The following TLK1 variants were observed in gnomAD, a reference collection of about 807,000 sequenced individuals.
TLK1 encodes tousled like kinase 1, also known as serine/threonine-protein kinase tousled-like 1.
Under a neutral mutation model 105.3 loss-of-function variants are expected in TLK1, and 24 were observed. That is an observed-to-expected ratio of 0.23 (90% CI 0.17 to 0.32). The LOEUF (loss-of-function observed/expected upper bound fraction) is 0.32, where lower values mean the gene tolerates loss of function less well. Among genes scored for constraint, TLK1 ranks in the 10% least tolerant of loss-of-function variants. The probability of loss-of-function intolerance (pLI) is 1.00; values close to 1 mark genes in which losing one functional copy is unlikely to be tolerated. For synonymous variants in TLK1, 321 were observed against 310.4 expected (o/e 1.03, Z -0.36); for missense variants, 558 against 910.5 (o/e 0.61, Z 4.98).
intron 1 of TLK1, among the ~76,000 whole-genome samples, chr2:171,222,107 T>G (rs1025848649): frequency 1.3e-5 from 2 of 152,234 alleles, no homozygotes; most frequent in Non-Finnish European, 2.9e-5. Context: ...TGCTGATGCA[T>G]GATCCTTCAA....
chr2:171,025,892 A>T (rs1685748195), intron 12 of TLK1, among the ~76,000 whole-genome samples: 1 of 152,194 alleles, frequency 6.6e-6, no homozygotes, highest in Admixed American at 6.5e-5. Context: ...TTACTTGCTT[A>T]ATTTTGTTCC....
At chr2:171,000,376 C>CAAA (rs34800888) in intron 18 of TLK1, among the ~76,000 whole-genome samples, 22 of 78,340 alleles carry the variant, frequency 2.8e-4, no homozygotes, top group Middle Eastern at 6.0e-3. Context: ...GAAACTCTGT[C>CAAA]AAAAAAAAAA....
intron 1 of TLK1, among the ~76,000 whole-genome samples, chr2:171,178,665 A>C (rs1276190562): frequency 6.6e-6 from 1 of 152,244 alleles, no homozygotes; most frequent in African/African-American, 2.4e-5. Context: ...TCAGCTTTAT[A>C]AGGAAAACTA....
chr2:171,188,305 C>T (rs548383412), intron 1 of TLK1, among the ~76,000 whole-genome samples: 1 of 152,316 alleles, frequency 6.6e-6, no homozygotes, highest in Non-Finnish European at 1.5e-5. Flanking sequence ...CACAGTGGCT[C>T]ATGTCTGTAA....
At chr2:171,037,150 A>C (rs1686389618) in intron 11 of TLK1, among the ~76,000 whole-genome samples, 1 of 152,084 alleles carries the variant, frequency 6.6e-6, no homozygotes, top group African/African-American at 2.4e-5. Flanking sequence ...GGGTATTAAG[A>C]AGCATGATGG....
At chr2:171,097,836 A>T (rs1689513597) in intron 2 of TLK1, among the ~76,000 whole-genome samples, 1 of 152,024 alleles carries the variant, frequency 6.6e-6, no homozygotes, top group Admixed American at 6.6e-5. Flanking sequence ...CAGGCAGGAG[A>T]ATCGCTTAAA....
chr2:171,068,550 A>G (rs1431863439), intron 3 of TLK1, among the ~76,000 whole-genome samples: 3 of 152,164 alleles, frequency 2.0e-5, no homozygotes, highest in Non-Finnish European at 4.4e-5. Flanking sequence ...AATCATTTAT[A>G]AAGCTTTTAT....
At chr2:171,060,189 G>A (rs2105444937) in intron 4 of TLK1, among the ~76,000 whole-genome samples, 1 of 152,278 alleles carries the variant, frequency 6.6e-6, no homozygotes, top group South Asian at 2.1e-4. Flanking sequence ...AAAAAAACAT[G>A]GTTCAACCAA....
chr2:171,050,162 G>C lies in TLK1; in HGVS notation c.745C>G (p.Leu249Val). 1.3e-6 allele frequency: 2 copies of C among 1,595,990 alleles called. No individual in the cohort carries two copies. The highest frequency in any genetic ancestry group is 1.7e-6 in the Non-Finnish European group (2 of 1,168,974). The change falls in exon 9 of 21, where the codon CTC becomes GTC. Residue 249 changes from leucine to valine, a missense_variant. Coordinates refer to ENST00000431350, the MANE Select transcript of TLK1 (RefSeq NM_012290.5). Reference protein sequence around the residue: ...IDDLLRANCDLRRQIDEQQKL... With the variant: ...IDDLLRANCDVRRQIDEQQKL... ...TGTTGTTCATCTATTTGCCGTCTGA[G>C]ATCACAGTTAGCCTATGACATAAGT... is the stretch of plus-strand genomic sequence containing the variant.
chr2:171,015,915 C>G (rs891869655), intron 12 of TLK1, among the ~76,000 whole-genome samples: 4 of 151,912 alleles, frequency 2.6e-5, no homozygotes, highest in Non-Finnish European at 5.9e-5. Flanking sequence ...CCCGTCTCTA[C>G]TAAAAATACA....
At chr2:171,129,544 G>T (rs2105553227) in intron 1 of TLK1, among the ~76,000 whole-genome samples, 2 of 152,230 alleles carry the variant, frequency 1.3e-5, no homozygotes, top group East Asian at 3.9e-4. Flanking sequence ...AACAATGAAT[G>T]AAAATCAACA....
chr2:171,007,077 T>G lies in TLK1; in HGVS notation c.1417-14A>C, dbSNP rs1684684100. On this transcript the variant is annotated splice_polypyrimidine_tract_variant and intron_variant, in intron 14 of 20. Coordinates refer to ENST00000431350, the MANE Select transcript of TLK1 (RefSeq NM_012290.5). ...AAGGTCAAAAGCCTAGGATTTCAAGTCAAAAACAATTAAGATGAAAGACCA... is the reference window on the plus strand; with the variant it reads ...AAGGTCAAAAGCCTAGGATTTCAAGGCAAAAACAATTAAGATGAAAGACCA... 6.3e-7 allele frequency: 1 copy of G among 1,579,742 alleles called. No individual in the cohort carries two copies. The highest frequency in any genetic ancestry group is 1.4e-5 in the African/African-American group (1 of 72,764).
intron 1 of TLK1, among the ~76,000 whole-genome samples, chr2:171,177,282 C>T (rs889044934): frequency 4.6e-5 from 7 of 151,988 alleles, no homozygotes; most frequent in African/African-American, 1.7e-4. Context: ...GCTGGTACTA[C>T]AGGCACACAC....
intron 1 of TLK1, among the ~76,000 whole-genome samples, chr2:171,128,504 T>C (rs190403541): frequency 7.2e-5 from 11 of 152,320 alleles, no homozygotes; most frequent in Non-Finnish European, 1.2e-4. Flanking sequence ...TGAACATATA[T>C]GTATGCTAAA....
chr2:171,185,123 G>A (rs1225987646), intron 1 of TLK1, among the ~76,000 whole-genome samples: 2 of 152,156 alleles, frequency 1.3e-5, no homozygotes, highest in Non-Finnish European at 2.9e-5. Context: ...ACAGGCGTGA[G>A]CCACCGAGCC....
intron 3 of TLK1, among the ~76,000 whole-genome samples, chr2:171,082,489 C>T (rs575479183): frequency 6.6e-6 from 1 of 152,280 alleles, no homozygotes; most frequent in East Asian, 1.9e-4. Flanking sequence ...TAAGAACCTC[C>T]TTCCTCTCAC....
intron 1 of TLK1, among the ~76,000 whole-genome samples, chr2:171,199,580 T>C (rs1693359242): frequency 6.6e-6 from 1 of 151,998 alleles, no homozygotes; most frequent in Non-Finnish European, 1.5e-5. Context: ...CCTTGAGTCC[T>C]AAAGCCCAGA....
intron 2 of TLK1, among the ~76,000 whole-genome samples, chr2:171,102,643 C>T (rs1408896833): frequency 6.6e-6 from 1 of 152,138 alleles, no homozygotes; most frequent in Non-Finnish European, 1.5e-5. Context: ...ATTTCTAAAA[C>T]GGTTTGATAT....
In TLK1 at chr2:171,003,273, CAAAAAAAAAA is replaced by C. The variant is rs777049271; in HGVS notation, c.1904+2864_1904+2873del. Among the ~76,000 whole-genome samples the C allele has an allele frequency of 5.0e-4, 34 of 68,498 alleles. No individual in the cohort carries two copies. In the South Asian group the frequency reaches 5.4e-3, roughly 11 times the overall value. The allele number at this position is 68,498 out of a possible 152,430, so 44.9% of individuals were successfully genotyped here. On this transcript the variant is annotated intron_variant, in intron 18 of 20. Transcript: ENST00000431350. ...TGGGCGACAGAGCAAGACTCCGTCT[CAAAAAAAAAA>C]AAAAAAAAAAAAAAAAAAAAAAGTA...
Sources: allele counts gnomAD v4.1 joint callset (sites outside exome capture counted in the v4.1 genomes callset), GRCh38; gene constraint gnomAD v4.1.1; transcripts MANE v1.5; gene names NCBI Gene and HGNC (gene_info 2026-07-23, HGNC 2026-07-21).